SOCS5: variants seen among roughly 807,000 people sequenced by gnomAD.
SOCS5 encodes the protein suppressor of cytokine signaling 5, also known as CIS-6.
A neutral mutation model predicts 42.8 loss-of-function variants in SOCS5; 32 were observed. The ratio of observed to expected loss-of-function variants is 0.75; its 90% CI spans 0.56 to 1.01. The LOEUF (loss-of-function observed/expected upper bound fraction) is 1.01. SOCS5 is among the 50% of genes least tolerant of loss of function. SOCS5 has a pLI of 0.00. For missense variants in SOCS5, 627 were observed against 653.0 expected (o/e 0.96, Z 0.43); for synonymous variants, 283 against 229.6 (o/e 1.23, Z -2.10).
intron 1 of SOCS5, among the ~76,000 whole-genome samples, chr2:46,705,212 G>A (rs1422398802): frequency 1.3e-5 from 2 of 152,200 alleles, no homozygotes; most frequent in African/African-American, 4.8e-5. Flanking sequence ...CTCAAGGAGA[G>A]GGCTGTAGGA....
chr2:46,755,810 C>G (rs1362998840), intron 1 of SOCS5, among the ~76,000 whole-genome samples: 1 of 152,188 alleles, frequency 6.6e-6, no homozygotes, highest in East Asian at 1.9e-4. Flanking sequence ...AACTTCGAAT[C>G]TGACATTGTT....
rs558947746 is a variant in SOCS5 at position 46,700,253 on chromosome 2, T to C, written c.-13+804T>C. Among the ~76,000 whole-genome samples the C allele has an allele frequency of 6.1e-4, 93 of 152,330 alleles. 3 individuals are homozygous for C. In the South Asian group the frequency reaches 0.018, roughly 30 times the overall value. ...ACAAGGAAATTTTGACATTTTCTTG[T>C]GGCATTCCAACTAAAGGGTGCCTGG... is the stretch of plus-strand genomic sequence containing the variant. On this transcript the variant is annotated intron_variant, in intron 1 of 1. Transcript: ENST00000394861.
At chr2:46,745,471 A>T (rs1473007617) in intron 1 of SOCS5, among the ~76,000 whole-genome samples, 2 of 152,224 alleles carry the variant, frequency 1.3e-5, no homozygotes, top group African/African-American at 2.4e-5. Flanking sequence ...GAGACTATTT[A>T]AATAACTCAG....
At chr2:46,715,990 C>T (rs1212599842) in intron 1 of SOCS5, among the ~76,000 whole-genome samples, 3 of 151,734 alleles carry the variant, frequency 2.0e-5, no homozygotes, top group African/African-American at 4.8e-5. Context: ...GTTTCTTTTT[C>T]CTTTAGTTTG....
intron 1 of SOCS5, among the ~76,000 whole-genome samples, chr2:46,731,157 A>G (rs778266178): frequency 6.6e-6 from 1 of 152,204 alleles, no homozygotes; most frequent in Admixed American, 6.5e-5. Flanking sequence ...CCCAAAATTC[A>G]TATGTTGAAA....
At chr2:46,751,909 T>G (rs1196271098) in intron 1 of SOCS5, among the ~76,000 whole-genome samples, 1 of 152,170 alleles carries the variant, frequency 6.6e-6, no homozygotes, top group Non-Finnish European at 1.5e-5. Context: ...ATCAGAAGAA[T>G]AATATTTTGT....
At position 46,746,630 on chromosome 2, in the gene SOCS5, G is replaced by A. The variant is rs1167247502; in HGVS notation, c.-12-11889G>A. On this transcript the variant is annotated intron_variant, in intron 1 of 1. Coordinates refer to ENST00000394861, the MANE Select transcript of SOCS5 (RefSeq NM_144949.3). ...TGCACCACTGCACTCCAGCCTGGGC[G>A]ACAGAGACTCCATCTCAAAAAAAAA... Among the ~76,000 whole-genome samples, 7 of 149,692 alleles carry A rather than the reference G, an allele frequency of 4.7e-5. No individual in the cohort carries two copies. In the East Asian group the frequency reaches 1.2e-3, roughly 25 times the overall value.
intron 1 of SOCS5, among the ~76,000 whole-genome samples, chr2:46,715,480 A>T (rs567733435): frequency 2.8e-4 from 42 of 152,188 alleles, no homozygotes; most frequent in Non-Finnish European, 5.4e-4. Flanking sequence ...TGTGTCTAGT[A>T]TATTCCCTTT....
At chr2:46,712,306 CT>C (rs113022507) in intron 1 of SOCS5, among the ~76,000 whole-genome samples, 13 of 108,324 alleles carry the variant, frequency 1.2e-4, no homozygotes, top group South Asian at 2.7e-4. Context: ...TTGCTTAGAG[CT>C]TTTTTTTTTC....
intron 1 of SOCS5, among the ~76,000 whole-genome samples, chr2:46,739,711 A>G (rs1268854598): frequency 6.6e-6 from 1 of 152,100 alleles, no homozygotes; most frequent in Non-Finnish European, 1.5e-5. Context: ...CTTTCTCTTT[A>G]AACTTTTACC....
chr2:46,747,109 G>A (rs997730498), intron 1 of SOCS5, among the ~76,000 whole-genome samples: 8 of 151,446 alleles, frequency 5.3e-5, no homozygotes, highest in African/African-American at 1.2e-4. Flanking sequence ...AGTCTTTAAC[G>A]GCTACTGATT....
chr2:46,705,557 C>T (rs1672443652), intron 1 of SOCS5, among the ~76,000 whole-genome samples: 2 of 152,184 alleles, frequency 1.3e-5, no homozygotes, highest in South Asian at 4.1e-4. Context: ...CTGAAATATG[C>T]TTAACGCTAA....
chr2:46,728,017 C>T (rs1273267386), intron 1 of SOCS5, among the ~76,000 whole-genome samples: 1 of 152,040 alleles, frequency 6.6e-6, no homozygotes, highest in East Asian at 1.9e-4. Flanking sequence ...TGTTTCCCTC[C>T]CTCAGAGTTT....
At chr2:46,715,108 A>C (rs961924492) in intron 1 of SOCS5, among the ~76,000 whole-genome samples, 1 of 152,082 alleles carries the variant, frequency 6.6e-6, no homozygotes, top group African/African-American at 2.4e-5. Flanking sequence ...TGACAAAAAT[A>C]CTGTAATCCC....
intron 1 of SOCS5, among the ~76,000 whole-genome samples, chr2:46,737,999 G>A (rs1322403493): frequency 2.0e-5 from 3 of 152,130 alleles, no homozygotes; most frequent in Admixed American, 6.6e-5. Context: ...ATCTGAAAAG[G>A]TGAGAACAAA....
chr2:46,700,072 C>A (rs1672307558), intron 1 of SOCS5, among the ~76,000 whole-genome samples: 1 of 152,092 alleles, frequency 6.6e-6, no homozygotes, highest in African/African-American at 2.4e-5. Context: ...TACTTGGGCT[C>A]CTAAGAGTCT....
intron 1 of SOCS5, among the ~76,000 whole-genome samples, chr2:46,746,646 CAA>C (rs555249093): frequency 3.1e-5 from 4 of 129,912 alleles, no homozygotes; most frequent in Admixed American, 7.7e-5. Context: ...GACTCCATCT[CAA>C]AAAAAAAAAA....
rs1673828449 is a variant in SOCS5 at position 46,760,020 on chromosome 2, C to T, written c.1490C>T (p.Thr497Met). ...ICRAVICRCT[T>M]YDGIDGLPLP... is the part of the protein sequence containing the mutation. Reference sequence around the variant, plus strand: ...CGCGCGGTAATCTGCAGGTGCACTACGTATGATGGAATTGATGGGCTCCCT... The same window carrying T: ...CGCGCGGTAATCTGCAGGTGCACTATGTATGATGGAATTGATGGGCTCCCT... The change falls in exon 2 of 2, where the codon ACG (threonine) becomes ATG (methionine). Residue 497 changes from threonine (T) to methionine (M), a missense_variant. Around this residue, in one of 3 missense-constraint regions of SOCS5, gnomAD observed 340 missense variants for 367.6 expected, o/e 0.92. Coordinates refer to ENST00000394861, the MANE Select transcript of SOCS5 (RefSeq NM_144949.3). 6.2e-7 allele frequency: 1 copy of T among 1,614,006 alleles called. No individual in the cohort carries two copies. Among genetic ancestry groups the T allele is most frequent in the South Asian group, 1.1e-5 (1 of 91,064 alleles).
intron 1 of SOCS5, 85 bp from the exon 2 acceptor site, chr2:46,758,434 G>T (rs952936805): frequency 5.8e-6 from 5 of 854,796 alleles, no homozygotes; most frequent in Non-Finnish European, 5.4e-6. Context: ...AATTCTGGAC[G>T]GGAAGGGGTG....
Sources: gnomAD v4.1 joint callset for allele counts (sites outside exome capture counted in the v4.1 genomes callset) on GRCh38, gnomAD v4.1.1 for gene constraint, gnomAD v4.1.1 regional missense constraint, MANE v1.5 for transcripts, NCBI Gene and HGNC (gene_info 2026-07-23, HGNC 2026-07-21) for gene names.